KCNJ6: variants seen among roughly 807,000 people sequenced by gnomAD.
KCNJ6 encodes the protein G protein-activated inward rectifier potassium channel 2.
KCNJ6 carries 9 observed loss-of-function variants against 34.2 expected under a neutral mutation model. The ratio of observed to expected loss-of-function variants is 0.26; its 90% CI spans 0.16 to 0.46. The LOEUF is 0.46. KCNJ6 is among the 20% of genes least tolerant of loss of function. KCNJ6 has a pLI of 1.00. For missense variants in KCNJ6, 236 were observed against 531.3 expected (o/e 0.44, Z 5.46); for synonymous variants, 196 against 207.1 (o/e 0.95, Z 0.46).
intron 2 of KCNJ6, among the ~76,000 whole-genome samples, chr21:37,805,998 G>T (rs2055291853): frequency 6.6e-6 from 1 of 152,216 alleles, no homozygotes; most frequent in African/African-American, 2.4e-5. Flanking sequence ...TGCCCACTTT[G>T]TGATAGTTTG....
intron 1 of KCNJ6, among the ~76,000 whole-genome samples, chr21:37,875,111 C>T (rs1374548927): frequency 6.6e-6 from 1 of 152,202 alleles, no homozygotes; most frequent in African/African-American, 2.4e-5. Flanking sequence ...TGCTCCTCCC[C>T]TGCCCTCAGC....
intron 1 of KCNJ6, among the ~76,000 whole-genome samples, chr21:37,882,968 A>G (rs2055717291): frequency 6.6e-6 from 1 of 152,184 alleles, no homozygotes; most frequent in Non-Finnish European, 1.5e-5. Flanking sequence ...GTGATAGTGC[A>G]TGTGTGTGGA....
rs189414017 is a variant in KCNJ6 at position 37,681,431 on chromosome 21, A to T, written c.946+32780T>A. On this transcript the variant is annotated intron_variant, in intron 3 of 3. Coordinates refer to ENST00000609713, the MANE Select transcript of KCNJ6 (RefSeq NM_002240.5). ...GCTCTTCTCTTTTTCTTCTCTGGAC[A>T]GCTCTTATGTTGGTTTTGGTCTAAA... Among the ~76,000 whole-genome samples, 54 of 152,344 alleles carry T rather than the reference A, an allele frequency of 3.5e-4. No individual in the cohort carries two copies. In the East Asian group the frequency reaches 9.5e-3, roughly 27 times the overall value.
intron 2 of KCNJ6, among the ~76,000 whole-genome samples, chr21:37,840,086 A>T (rs1442355385): frequency 6.6e-6 from 1 of 152,246 alleles, no homozygotes; most frequent in Non-Finnish European, 1.5e-5. Context: ...GGCATGAGCC[A>T]CTGTGCCCAG....
intron 2 of KCNJ6, among the ~76,000 whole-genome samples, chr21:37,769,070 GGATA>G (rs1178485831): frequency 6.6e-6 from 1 of 152,144 alleles, no homozygotes; most frequent in African/African-American, 2.4e-5. Flanking sequence ...GTTGAATTTT[GGATA>G]GAGACATTGT....
intron 1 of KCNJ6, among the ~76,000 whole-genome samples, chr21:37,844,306 C>T (rs2055495754): frequency 6.6e-6 from 1 of 152,082 alleles, no homozygotes; most frequent in Non-Finnish European, 1.5e-5. Flanking sequence ...GATCCGCCCA[C>T]CTTATCCTCC....
At position 37,620,766 on chromosome 21, in the gene KCNJ6, C is replaced by A. The variant is rs886447875; in HGVS notation, c.*4393G>T. ...AAATAAGATAATTTGTACAAGTGCT[C>A]TTAATGCTCTCAAACACCACACCAT... On this transcript the variant is annotated 3_prime_UTR_variant, in exon 4 of 4. Coordinates refer to ENST00000609713, the MANE Select transcript of KCNJ6 (RefSeq NM_002240.5). The A allele has an allele frequency of 1.3e-5, 2 of 152,188 alleles. No individual in the cohort carries two copies. The highest frequency in any genetic ancestry group is 1.3e-4 in the Admixed American group (2 of 15,280). The allele number at this position is 152,188 out of a possible 1,614,324, so 9.4% of individuals were successfully genotyped here.
intron 2 of KCNJ6, among the ~76,000 whole-genome samples, chr21:37,828,772 G>A (rs572668210): frequency 4.5e-4 from 68 of 152,166 alleles, no homozygotes; most frequent in Non-Finnish European, 9.0e-4. Flanking sequence ...TGAGGCTGAG[G>A]CTCAGCGCTT....
At chr21:37,820,385 G>A (rs1407850803) in intron 2 of KCNJ6, among the ~76,000 whole-genome samples, 1 of 152,196 alleles carries the variant, frequency 6.6e-6, no homozygotes, top group Non-Finnish European at 1.5e-5. Flanking sequence ...AAAGCTGGGT[G>A]TGCTGCAATT....
In KCNJ6 at chr21:37,607,484, T is replaced by TATATATATATA. The variant is rs35281433; in HGVS notation, c.*17674_*17675insTATATATATAT. 101 of 62,174 alleles carry TATATATATATA rather than the reference T, an allele frequency of 1.6e-3. No homozygotes were observed. The highest frequency in any genetic ancestry group is 3.6e-3 in the South Asian group (7 of 1,954). 3.9% of individuals were successfully genotyped at this position (62,174 alleles called of 1,614,324 possible). A position where few individuals can be genotyped will look rare whatever the true frequency, so the allele number is the denominator to read the frequency against. The stretch of plus-strand genomic sequence containing the variant: ...TAAAGATATATATATATATATATAT[T>TATATATATATA]TTTTTTTTATTTTAAAAAAATTTGG... On this transcript the variant is annotated 3_prime_UTR_variant, in exon 4 of 4. Transcript: ENST00000609713.
intron 2 of KCNJ6, among the ~76,000 whole-genome samples, chr21:37,805,584 T>C (rs1477096395): frequency 6.7e-6 from 1 of 150,320 alleles, no homozygotes; most frequent in Non-Finnish European, 1.5e-5. Flanking sequence ...TGTTCCCTTC[T>C]TGTTTATTGA....
At chr21:37,646,390 C>T (rs2054404326) in intron 3 of KCNJ6, among the ~76,000 whole-genome samples, 1 of 152,224 alleles carries the variant, frequency 6.6e-6, no homozygotes, top group South Asian at 2.1e-4. Flanking sequence ...TTTATATTCA[C>T]ACCTGTAGCT....
chr21:37,668,787 C>G (rs2054528926), intron 3 of KCNJ6, among the ~76,000 whole-genome samples: 1 of 152,074 alleles, frequency 6.6e-6, no homozygotes, highest in Non-Finnish European at 1.5e-5. Flanking sequence ...ATCCTTTTTG[C>G]AAATTATATA....
chr21:37,696,466 T>C (rs1288526782), intron 3 of KCNJ6, among the ~76,000 whole-genome samples: 1 of 152,172 alleles, frequency 6.6e-6, no homozygotes, highest in African/African-American at 2.4e-5. Context: ...AAACCTTAAG[T>C]TGAGGCACAT....
chr21:37,665,902 T>C (rs960756471), intron 3 of KCNJ6, among the ~76,000 whole-genome samples: 2 of 152,140 alleles, frequency 1.3e-5, no homozygotes, highest in Non-Finnish European at 2.9e-5. Flanking sequence ...TCATAAGGCT[T>C]CCTGGAGGAG....
intron 3 of KCNJ6, among the ~76,000 whole-genome samples, chr21:37,713,692 G>A (rs1261510008): frequency 6.6e-6 from 1 of 152,170 alleles, no homozygotes; most frequent in African/African-American, 2.4e-5. Context: ...TGGGAGCTCA[G>A]CAGGTTGAAT....
intron 1 of KCNJ6, among the ~76,000 whole-genome samples, chr21:37,856,695 T>C (rs2055566875): frequency 6.6e-6 from 1 of 152,202 alleles, no homozygotes. Flanking sequence ...GTAATGGGTA[T>C]ATCATGTGTA....
At chr21:37,888,790 C>T (rs1267907937) in intron 1 of KCNJ6, among the ~76,000 whole-genome samples, 2 of 152,190 alleles carry the variant, frequency 1.3e-5, no homozygotes, top group Admixed American at 6.5e-5. Flanking sequence ...AGCCCCACTC[C>T]TAGTACTGAA....
In KCNJ6 at chr21:37,614,678, G is replaced by C. The variant is rs200722682; in HGVS notation, c.*10481C>G. The C allele has an allele frequency of 6.8e-6, 1 of 147,524 alleles. No homozygotes were observed. Among genetic ancestry groups the C allele is most frequent in the Non-Finnish European group, 1.5e-5 (1 of 67,426 alleles). 9.1% of individuals were successfully genotyped at this position (147,524 alleles called of 1,614,324 possible). On this transcript the variant is annotated 3_prime_UTR_variant, in exon 4 of 4. Coordinates refer to ENST00000609713, the MANE Select transcript of KCNJ6 (RefSeq NM_002240.5). Reference sequence around the variant, plus strand: ...TGTATGCATGTGTCTCTGTGTATGCGTGTGTGTATGCATGTCTTGGTGTGT... The same window carrying C: ...TGTATGCATGTGTCTCTGTGTATGCCTGTGTGTATGCATGTCTTGGTGTGT...
Sources: allele counts gnomAD v4.1 joint callset (sites outside exome capture counted in the v4.1 genomes callset), GRCh38; gene constraint gnomAD v4.1.1; transcripts MANE v1.5; gene names NCBI Gene and HGNC (gene_info 2026-07-23, HGNC 2026-07-21).